ITPR2: variants seen among roughly 807,000 people sequenced by gnomAD.
ITPR2 encodes inositol 1,4,5-trisphosphate-gated calcium channel ITPR2.
A neutral mutation model predicts 317.1 loss-of-function variants in ITPR2; 207 were observed. The observed-to-expected ratio is 0.65, with a 90% CI of 0.58 to 0.73. The LOEUF (loss-of-function observed/expected upper bound fraction) is 0.73. Among genes scored for constraint, ITPR2 ranks in the 30% least tolerant of loss-of-function variants. The pLI, the probability that ITPR2 is intolerant of heterozygous loss-of-function variation, is 0.00. For synonymous variants in ITPR2, 1,156 were observed against 1,149.1 expected (o/e 1.01, Z -0.12); for missense variants, 2,613 against 3,284.0 (o/e 0.80, Z 4.99).
At chr12:26,475,218 T>G (rs1942389762) in intron 45 of ITPR2, 78 bp downstream of exon 45, 2 of 1,539,572 alleles carry the variant, frequency 1.3e-6, no homozygotes, top group Non-Finnish European at 1.8e-6. Flanking sequence ...GACCAGAACT[T>G]GAAAATATGA....
intron 1 of ITPR2, chr12:26,801,435 A>T (rs1950554049): frequency 1.3e-5 from 2 of 152,546 alleles, no homozygotes; most frequent in South Asian, 4.1e-4. Flanking sequence ...GTTCCTCCAT[A>T]AGGATGATGA....
At chr12:26,630,359 A>T (rs1946719209) in intron 22 of ITPR2, among the ~76,000 whole-genome samples, 2 of 152,100 alleles carry the variant, frequency 1.3e-5, no homozygotes, top group Non-Finnish European at 2.9e-5. Flanking sequence ...AGAGAAAAAG[A>T]ATTAAGAGAG....
chr12:26,443,214 C>A (rs1565529556), intron 46 of ITPR2, among the ~76,000 whole-genome samples: 1 of 151,976 alleles, frequency 6.6e-6, no homozygotes, highest in Non-Finnish European at 1.5e-5. Context: ...AAAAAGAAAC[C>A]TTTTCCTGAA....
rs1348275690 is a variant in ITPR2, at chr12:26,536,095, A to G, written c.5073+14152T>C. Among the ~76,000 whole-genome samples the G allele has an allele frequency of 3.9e-5, 6 of 152,180 alleles. No individual in the cohort carries two copies. In the East Asian group the frequency reaches 1.2e-3, roughly 29 times the overall value. On this transcript the variant is annotated intron_variant, in intron 37 of 56. Coordinates refer to ENST00000381340, the MANE Select transcript of ITPR2 (RefSeq NM_002223.4). ...AACACAGAGTGCCTGTGTATATAGCAAAGTAGAAGCTTTTTTTGTACAAGA... is the reference window on the plus strand; with the variant it reads ...AACACAGAGTGCCTGTGTATATAGCGAAGTAGAAGCTTTTTTTGTACAAGA...
chr12:26,396,987 C>T (rs1482142204), intron 54 of ITPR2, among the ~76,000 whole-genome samples: 1 of 152,118 alleles, frequency 6.6e-6, no homozygotes, highest in Non-Finnish European at 1.5e-5. Context: ...CTCCTGCTTT[C>T]ATTACCTTTC....
intron 37 of ITPR2, among the ~76,000 whole-genome samples, chr12:26,506,462 T>G (rs1424797605): frequency 6.8e-6 from 1 of 147,474 alleles, no homozygotes; most frequent in African/African-American, 2.5e-5. Context: ...GAGGCATGAT[T>G]GCACACTGCA....
intron 45 of ITPR2, among the ~76,000 whole-genome samples, chr12:26,444,155 G>A (rs912157318): frequency 2.0e-5 from 3 of 151,962 alleles, no homozygotes; most frequent in African/African-American, 7.3e-5. Flanking sequence ...GTGCTTTCTG[G>A]GTATAGATCT....
intron 49 of ITPR2, chr12:26,419,998 G>T (rs558376668): frequency 1.3e-5 from 2 of 152,198 alleles, no homozygotes; most frequent in East Asian, 3.9e-4. Flanking sequence ...ACATTTTGGA[G>T]TGTTTATTAT....
intron 34 of ITPR2, among the ~76,000 whole-genome samples, chr12:26,568,686 C>T (rs61920325): frequency 0.15 from 23,079 of 152,048 alleles, 2,403 homozygotes; most frequent in Non-Finnish European, 0.23. Flanking sequence ...GGGGGAAAGG[C>T]AACAGAAAGT....
rs1429386580 is a variant in ITPR2, at chr12:26,715,833, C to T, written c.627G>A (p.Val209=). 2 of 1,599,470 alleles carry T rather than the reference C, an allele frequency of 1.3e-6. No individual in the cohort carries two copies. Among genetic ancestry groups the T allele is most frequent in the Non-Finnish European group, 1.7e-6 (2 of 1,167,464 alleles). The change falls in exon 7 of 57, where the codon GTG becomes GTA. Residue 209 remains valine, a splice_region_variant and synonymous_variant. Transcript: ENST00000381340. ...ELLDNPGCKE[V]NAVNCNTSWK... The stretch of plus-strand genomic sequence containing the variant: ...AGCTGGTGTTGCAATTGACAGCATT[C>T]ACCTATTAATGAAGAAACGTTCAAA...
At chr12:26,352,771 G>T (rs753776886) in intron 55 of ITPR2, among the ~76,000 whole-genome samples, 49 of 152,192 alleles carry the variant, frequency 3.2e-4, no homozygotes, top group Non-Finnish European at 6.2e-4. Context: ...GGATAATTCA[G>T]CCCCTAAAGT....
At position 26,708,872 on chromosome 12, in the gene ITPR2, A is replaced by G. The variant is rs540148085; in HGVS notation, c.951+2301T>C. 5.9e-5 allele frequency among the ~76,000 whole-genome samples: 9 copies of G among 152,362 alleles called. No homozygotes were observed. In the South Asian group the frequency reaches 1.7e-3, roughly 28 times the overall value. On this transcript the variant is annotated intron_variant, in intron 9 of 56. Coordinates refer to ENST00000381340, the MANE Select transcript of ITPR2 (RefSeq NM_002223.4). The stretch of plus-strand genomic sequence containing the variant: ...TGCATCAAGACATCACACGTGCCCC[A>G]TAAGTGTATACGTATACTATGTGTC...
At chr12:26,559,024 T>C (rs1445009968) in intron 35 of ITPR2, among the ~76,000 whole-genome samples, 1 of 152,254 alleles carries the variant, frequency 6.6e-6, no homozygotes, top group Non-Finnish European at 1.5e-5. Flanking sequence ...CACCAAGTTC[T>C]ATTAGTTCTA....
At chr12:26,499,579 C>T (rs1294980358) in intron 37 of ITPR2, among the ~76,000 whole-genome samples, 1 of 152,118 alleles carries the variant, frequency 6.6e-6, no homozygotes, top group Non-Finnish European at 1.5e-5. Flanking sequence ...GGAACAGTTC[C>T]AAACACATAG....
In ITPR2 at chr12:26,663,773, C is replaced by T. The variant is rs1947557502; in HGVS notation, c.1625G>A (p.Gly542Glu). Residue 542 changes from glycine (G) to glutamate (E), a missense_variant, in exon 15 of 57, where the codon GGG (glycine) becomes GAG (glutamate). Physicochemically the swap from Gly to Glu is moderately conservative, Grantham distance 98. This residue lies in a region of ITPR2 where 515 missense variants were observed against 789.4 expected (regional missense o/e 0.65). Coordinates refer to ENST00000381340, the MANE Select transcript of ITPR2 (RefSeq NM_002223.4). The stretch of plus-strand genomic sequence containing the variant: ...CTTGTAGGGTGCATATCTTTGATCC[C>T]CCAGATCTTCAAGTCTCAGCATCGA... Reference protein sequence around the residue: ...EGSMLRLEDLGDQRYAPYKYM... With the variant: ...EGSMLRLEDLEDQRYAPYKYM... The T allele has an allele frequency of 1.2e-6, 2 of 1,613,922 alleles. No individual in the cohort carries two copies. Among genetic ancestry groups the T allele is most frequent in the Non-Finnish European group, 1.7e-6 (2 of 1,180,002 alleles).
chr12:26,712,538 T>C (rs924307906), intron 8 of ITPR2, among the ~76,000 whole-genome samples: 2 of 152,178 alleles, frequency 1.3e-5, no homozygotes, highest in African/African-American at 2.4e-5. Context: ...CTAATCACAC[T>C]GGCCACTGTG....
At chr12:26,689,512 A>G (rs1948193515) in intron 10 of ITPR2, among the ~76,000 whole-genome samples, 1 of 151,948 alleles carries the variant, frequency 6.6e-6, no homozygotes, top group African/African-American at 2.4e-5. Context: ...GATGGAGGGA[A>G]GGGCAAACTC....
chr12:26,615,221 C>T (rs900409290), intron 26 of ITPR2, among the ~76,000 whole-genome samples: 1 of 152,090 alleles, frequency 6.6e-6, no homozygotes, highest in African/African-American at 2.4e-5. Context: ...TACATCGGAT[C>T]TCCGAGTTAC....
chr12:26,647,959 G>A (rs192637137), intron 21 of ITPR2, among the ~76,000 whole-genome samples: 219 of 152,084 alleles, frequency 1.4e-3, no homozygotes, highest in African/African-American at 3.9e-3. Flanking sequence ...TCTGCTGAGC[G>A]TGCCAACTAT....
Sources: allele counts gnomAD v4.1 joint callset (sites outside exome capture counted in the v4.1 genomes callset), GRCh38; gene constraint gnomAD v4.1.1; regional missense constraint gnomAD v4.1.1; transcripts MANE v1.5; gene names NCBI Gene and HGNC (gene_info 2026-07-23, HGNC 2026-07-21).